The following TNRC6B variants were observed in gnomAD, a reference collection of about 807,000 sequenced individuals.
TNRC6B encodes trinucleotide repeat containing adaptor 6B, also known as trinucleotide repeat-containing gene 6B protein.
In TNRC6B, 52 loss-of-function variants were observed where a neutral mutation model predicts 203.6. The observed-to-expected ratio is 0.26, with a 90% CI of 0.20 to 0.32. TNRC6B has a LOEUF of 0.32. TNRC6B is among the 10% of genes least tolerant of loss of function. The pLI is 1.00. For missense variants in TNRC6B, 1,923 were observed against 2,286.2 expected (o/e 0.84, Z 3.24); for synonymous variants, 838 against 845.7 (o/e 0.99, Z 0.16).
intron 12 of TNRC6B, among the ~76,000 whole-genome samples, chr22:40,299,563 A>AT (rs2070994893): frequency 6.6e-6 from 1 of 151,866 alleles, no homozygotes; most frequent in South Asian, 2.1e-4. Flanking sequence ...TAACCTTTTT[A>AT]TTTTTTTAAA....
At chr22:40,251,859 T>C (rs1354750727) in intron 3 of TNRC6B, among the ~76,000 whole-genome samples, 1 of 152,226 alleles carries the variant, frequency 6.6e-6, no homozygotes, top group Non-Finnish European at 1.5e-5. Context: ...CCTTGACCCA[T>C]GGCATGCATT....
chr22:40,148,497 T>C (rs766102603), intron 3 of TNRC6B, among the ~76,000 whole-genome samples: 3 of 152,242 alleles, frequency 2.0e-5, no homozygotes, highest in South Asian at 2.1e-4. Flanking sequence ...TTGGCCAGGA[T>C]GATCTCAATC....
At chr22:40,277,347 A>G (rs1158041296) in intron 8 of TNRC6B, among the ~76,000 whole-genome samples, 196 bp downstream of exon 8, 3 of 152,228 alleles carry the variant, frequency 2.0e-5, no homozygotes, top group African/African-American at 7.2e-5. Context: ...TTTAAAGGTT[A>G]TGGCTTTTAA....
At chr22:40,121,909 A>T (rs2068450219) in intron 2 of TNRC6B, among the ~76,000 whole-genome samples, 1 of 152,212 alleles carries the variant, frequency 6.6e-6, no homozygotes, top group Non-Finnish European at 1.5e-5. Context: ...CAATAGTTAC[A>T]AGCTAGTGTA....
chr22:40,310,356 C>G (rs971678107), intron 16 of TNRC6B, among the ~76,000 whole-genome samples: 3 of 152,326 alleles, frequency 2.0e-5, no homozygotes, highest in East Asian at 3.9e-4. Flanking sequence ...TCCAGCTAAT[C>G]TAAGCCTGAT....
At chr22:40,220,336 G>A (rs1472975100) in intron 1 of TNRC6B, among the ~76,000 whole-genome samples, 1 of 152,168 alleles carries the variant, frequency 6.6e-6, no homozygotes, top group Non-Finnish European at 1.5e-5. Context: ...TTTAAGTCAA[G>A]GCAGCAGGTA....
At chr22:40,239,242 A>G (rs1569033772) in intron 1 of TNRC6B, among the ~76,000 whole-genome samples, 1 of 152,182 alleles carries the variant, frequency 6.6e-6, no homozygotes, top group Non-Finnish European at 1.5e-5. Context: ...TTAGACAATA[A>G]ATGTTTGTTA....
chr22:40,251,755 C>A (rs1421545768), intron 3 of TNRC6B, among the ~76,000 whole-genome samples: 1 of 151,636 alleles, frequency 6.6e-6, no homozygotes, highest in Non-Finnish European at 1.5e-5. Flanking sequence ...TGATTGTGAA[C>A]TGAACCTTTT....
intron 1 of TNRC6B, among the ~76,000 whole-genome samples, chr22:40,233,301 G>A (rs1389403302): frequency 2.0e-5 from 3 of 151,052 alleles, no homozygotes; most frequent in Non-Finnish European, 4.4e-5. Flanking sequence ...CAGCCTGGGC[G>A]ACAAAGCAAG....
chr22:40,201,876 G>T (rs1044273283), intron 1 of TNRC6B, among the ~76,000 whole-genome samples: 2 of 152,096 alleles, frequency 1.3e-5, no homozygotes, highest in East Asian at 1.9e-4. Flanking sequence ...TCAGATTCAG[G>T]ATGCTCAACC....
intron 1 of TNRC6B, among the ~76,000 whole-genome samples, chr22:40,054,994 A>G (rs2067781152): frequency 6.6e-6 from 1 of 152,046 alleles, no homozygotes; most frequent in Non-Finnish European, 1.5e-5. Context: ...CTGAGATTGC[A>G]CCATTAAGCT....
At chr22:40,241,366 C>T (rs1385361214) in intron 1 of TNRC6B, among the ~76,000 whole-genome samples, 2 of 152,336 alleles carry the variant, frequency 1.3e-5, no homozygotes, top group Admixed American at 6.5e-5. Context: ...TACTCTTCAG[C>T]TCCATTCAAG....
At chr22:40,240,585 G>C (rs1205736377) in intron 1 of TNRC6B, among the ~76,000 whole-genome samples, 1 of 152,206 alleles carries the variant, frequency 6.6e-6, no homozygotes, top group Admixed American at 6.5e-5. Flanking sequence ...GGGAATTGGA[G>C]GTGCCCATAG....
intron 1 of TNRC6B, among the ~76,000 whole-genome samples, chr22:40,235,406 C>G (rs565118341): frequency 6.6e-6 from 1 of 152,258 alleles, no homozygotes; most frequent in African/African-American, 2.4e-5. Flanking sequence ...CAGGAAATTG[C>G]TGTTACAGGG....
chr22:40,118,040 T>C (rs1315800572), intron 2 of TNRC6B, among the ~76,000 whole-genome samples: 1 of 152,150 alleles, frequency 6.6e-6, no homozygotes, highest in African/African-American at 2.4e-5. Flanking sequence ...GCAAAAATGA[T>C]AGGACTTGCT....
intron 1 of TNRC6B, among the ~76,000 whole-genome samples, chr22:40,236,777 T>C (rs151199881): frequency 6.6e-6 from 1 of 152,254 alleles, no homozygotes; most frequent in Non-Finnish European, 1.5e-5. Context: ...AAGTGTGAAA[T>C]TGTCAGCCCT....
chr22:40,302,489 C>T (rs948941789), intron 15 of TNRC6B, among the ~76,000 whole-genome samples: 10 of 152,034 alleles, frequency 6.6e-5, no homozygotes, highest in South Asian at 2.1e-4. Flanking sequence ...AAAAATTAGC[C>T]GGACGTTGTG....
At chr22:40,060,140 TTTTC>T (rs2067837015) in intron 1 of TNRC6B, among the ~76,000 whole-genome samples, 1 of 149,670 alleles carries the variant, frequency 6.7e-6, no homozygotes, top group Non-Finnish European at 1.5e-5. Context: ...ATCATTTTTT[TTTTC>T]TTTTTTTTTT....
chr22:40,135,731 G>A (rs2068594045), intron 3 of TNRC6B, among the ~76,000 whole-genome samples: 1 of 152,082 alleles, frequency 6.6e-6, no homozygotes, highest in Non-Finnish European at 1.5e-5. Flanking sequence ...TCAAACTTCT[G>A]ACTCAAGTGA....
Sources: gnomAD v4.1 joint callset for allele counts (sites outside exome capture counted in the v4.1 genomes callset) on GRCh38, gnomAD v4.1.1 for gene constraint, MANE v1.5 for transcripts, NCBI Gene and HGNC (gene_info 2026-07-23, HGNC 2026-07-21) for gene names.